LRRC8C: variants seen among roughly 807,000 people sequenced by gnomAD.
LRRC8C encodes volume-regulated anion channel subunit LRRC8C.
In LRRC8C, 20 loss-of-function variants were observed where a neutral mutation model predicts 55.3. The ratio of observed to expected loss-of-function variants is 0.36; its 90% CI spans 0.25 to 0.53. The LOEUF (loss-of-function observed/expected upper bound fraction) is 0.53. Ranked by LOEUF, LRRC8C falls within the 20% of genes least tolerant of loss-of-function variation. The probability of loss-of-function intolerance (pLI) is 0.92; values close to 1 mark genes in which losing one functional copy is unlikely to be tolerated. For missense variants in LRRC8C, 659 were observed against 951.4 expected (o/e 0.69, Z 4.04); for synonymous variants, 376 against 360.7 (o/e 1.04, Z -0.48).
chr1:89,624,245 C>A, the LRRC8C span, among the ~76,000 whole-genome samples: 1 of 152,188 alleles, frequency 6.6e-6, no homozygotes, highest in Non-Finnish European at 1.5e-5. Flanking sequence ...GGCTTTTGCT[C>A]CAGAGAAAGA....
rs1557670183 is a variant in LRRC8C, at chr1:89,712,693, T to C, written c.139-16T>C. The C allele has an allele frequency of 6.3e-7, 1 of 1,577,486 alleles. No individual in the cohort carries two copies. The highest frequency in any genetic ancestry group is 8.7e-7 in the Non-Finnish European group (1 of 1,148,148). ...TTTGAGTAATATAATTTGAAAATAT[T>C]ATTTCCATGTTTCAGGTCATGCAAG... On this transcript the variant is annotated splice_polypyrimidine_tract_variant and intron_variant, in intron 2 of 2. Transcript: ENST00000370454.
intron 1 of LRRC8C, among the ~76,000 whole-genome samples, chr1:89,663,957 C>G (rs897095987): frequency 4.6e-5 from 7 of 152,160 alleles, no homozygotes; most frequent in African/African-American, 1.4e-4. Context: ...CCTCTGCCCA[C>G]TTTTTGATGG....
intron 1 of LRRC8C, among the ~76,000 whole-genome samples, chr1:89,647,286 CT>C (rs1444685914): frequency 6.6e-6 from 1 of 152,164 alleles, no homozygotes; most frequent in African/African-American, 2.4e-5. Context: ...GTGCCTCCTC[CT>C]TTTTATATAG....
Position 89,669,698 on chromosome 1 carries a change from G to A in LRRC8C, c.-4-16772G>A, listed in dbSNP as rs566122339. Among the ~76,000 whole-genome samples, 6 of 152,274 alleles carry A rather than the reference G, an allele frequency of 3.9e-5. No individual in the cohort carries two copies. The South Asian group carries it at 1.2e-3, about 32-fold the overall frequency. On this transcript the variant is annotated intron_variant, in intron 1 of 2. Transcript: ENST00000370454. ...GGTCACCCAGCTTACAAGTGACAGA[G>A]CCGGGATACAGACTCAGGCACCCTG... is the stretch of plus-strand genomic sequence containing the variant.
In LRRC8C at chr1:89,669,548, C is replaced by T. The variant is rs1657361973; in HGVS notation, c.-4-16922C>T. Among the ~76,000 whole-genome samples the T allele has an allele frequency of 2.6e-5, 4 of 152,140 alleles. No homozygotes were observed. In the South Asian group the frequency reaches 8.3e-4, roughly 32 times the overall value. ...GCTGTCATCTATTGAGTGCTAATTC[C>T]TGCCCAGTACCATGATTAGTGTTTG... On this transcript the variant is annotated intron_variant, in intron 1 of 2. Coordinates refer to ENST00000370454, the MANE Select transcript of LRRC8C (RefSeq NM_032270.5).
chr1:89,643,814 G>A (rs1423376194), intron 1 of LRRC8C, among the ~76,000 whole-genome samples: 6 of 152,154 alleles, frequency 3.9e-5, no homozygotes, highest in Non-Finnish European at 7.4e-5. Flanking sequence ...ATGCTGTGTA[G>A]TATTCTGAAG....
At chr1:89,688,105 T>A (rs959960177) in intron 2 of LRRC8C, among the ~76,000 whole-genome samples, 4 of 152,188 alleles carry the variant, frequency 2.6e-5, no homozygotes, top group Non-Finnish European at 4.4e-5. Context: ...GAAGCCTTTA[T>A]TCAATCCAGG....
intron 1 of LRRC8C, among the ~76,000 whole-genome samples, chr1:89,685,361 C>T (rs530129231): frequency 6.0e-5 from 9 of 149,386 alleles, no homozygotes; most frequent in South Asian, 4.3e-4. Context: ...ATGATCCACC[C>T]GCCTCGGCCT....
In LRRC8C at chr1:89,686,495, C is replaced by A; in HGVS notation, c.22C>A (p.Arg8=). The A allele has an allele frequency of 1.9e-6, 3 of 1,614,124 alleles. No homozygotes were observed. The highest frequency in any genetic ancestry group is 2.5e-6 in the Non-Finnish European group (3 of 1,180,020). Residue 8 remains arginine, a synonymous_variant, in exon 2 of 3, where the codon CGG becomes AGG. Transcript: ENST00000370454. The stretch of plus-strand genomic sequence containing the variant: ...AAACATGATTCCCGTGACAGAATTC[C>A]GGCAGTTCTCTGAGCAGCAGCCTGC... The part of the protein sequence containing the change: MIPVTEF[R]QFSEQQPAFR...
rs777389203 is a variant in LRRC8C at position 89,713,440 on chromosome 1, A to T, written c.870A>T (p.Thr290=). ...NSALVSKVQF[T]VDCNVDIQDM... is the part of the protein sequence containing the mutation. ...CTCTGGTTTCCAAGGTCCAGTTTAC[A>T]GTGGACTGTAATGTGGACATTCAGG... The change falls in exon 3 of 3, where the codon ACA becomes ACT. Residue 290 remains threonine, a synonymous_variant. Transcript: ENST00000370454. This position sits in a 1 kb window ranked among gnomAD's most constrained non-coding sequence, Gnocchi z 5.2. 11 of 1,614,076 alleles carry T rather than the reference A, an allele frequency of 6.8e-6. No homozygotes were observed. The highest frequency in any genetic ancestry group is 8.5e-6 in the Non-Finnish European group (10 of 1,180,038).
chr1:89,627,497 C>T, the LRRC8C span, among the ~76,000 whole-genome samples: 1 of 152,178 alleles, frequency 6.6e-6, no homozygotes, highest in African/African-American at 2.4e-5. Flanking sequence ...GTAAAACCAG[C>T]TCATGAAGGC....
At chr1:89,682,894 C>G (rs1657760361) in intron 1 of LRRC8C, among the ~76,000 whole-genome samples, 1 of 152,206 alleles carries the variant, frequency 6.6e-6, no homozygotes, top group Non-Finnish European at 1.5e-5. Flanking sequence ...GAATGAGCTA[C>G]TTTATCACAT....
upstream of LRRC8C, chr1:89,631,547 T>G (rs1279211084): frequency 1.3e-5 from 2 of 152,132 alleles, no homozygotes; most frequent in Non-Finnish European, 2.9e-5. Context: ...GAGGTAAAGC[T>G]ACCTTAGAGA....
intron 2 of LRRC8C, among the ~76,000 whole-genome samples, chr1:89,708,894 A>T (rs191135736): frequency 1.3e-5 from 2 of 152,234 alleles, no homozygotes; most frequent in African/African-American, 2.4e-5. Context: ...TCTTCTTGTG[A>T]TGTGTTCCCT....
At chr1:89,634,618 C>G (rs1346331330) in intron 1 of LRRC8C, among the ~76,000 whole-genome samples, 1 of 152,108 alleles carries the variant, frequency 6.6e-6, no homozygotes, top group Non-Finnish European at 1.5e-5. Context: ...TCGCCAGAGC[C>G]AATAATTTTT....
intron 2 of LRRC8C, among the ~76,000 whole-genome samples, chr1:89,694,318 A>C (rs961007105): frequency 6.6e-6 from 1 of 152,212 alleles, no homozygotes; most frequent in African/African-American, 2.4e-5. Context: ...GGAATAAATT[A>C]TATTCCAGGG....
chr1:89,653,818 A>G (rs1656858174), intron 1 of LRRC8C, among the ~76,000 whole-genome samples: 1 of 152,242 alleles, frequency 6.6e-6, no homozygotes, highest in Non-Finnish European at 1.5e-5. Context: ...GAAATAGCAG[A>G]TTTGGAGTGA....
chr1:89,638,045 C>G (rs534646281), intron 1 of LRRC8C, among the ~76,000 whole-genome samples: 2 of 152,194 alleles, frequency 1.3e-5, no homozygotes, highest in East Asian at 3.9e-4. Flanking sequence ...ATTCAGAAAT[C>G]AATTTTAAGA....
At chr1:89,635,597 C>T (rs1656256965) in intron 1 of LRRC8C, among the ~76,000 whole-genome samples, 1 of 152,134 alleles carries the variant, frequency 6.6e-6, no homozygotes, top group Admixed American at 6.5e-5. Context: ...TCCAAAGCTG[C>T]TTATTTATTT....
Sources: allele counts gnomAD v4.1 joint callset (sites outside exome capture counted in the v4.1 genomes callset), GRCh38; gene constraint gnomAD v4.1.1; non-coding constraint Gnocchi (gnomAD v3.1); transcripts MANE v1.5; gene names NCBI Gene and HGNC (gene_info 2026-07-23, HGNC 2026-07-21).